The following MYT1 variants were observed in gnomAD, a reference collection of about 807,000 sequenced individuals.
The protein encoded by MYT1 is myelin transcription factor 1.
A neutral mutation model predicts 123.0 loss-of-function variants in MYT1; 23 were observed. The ratio of observed to expected loss-of-function variants is 0.19; its 90% CI spans 0.13 to 0.26. The LOEUF (loss-of-function observed/expected upper bound fraction) is 0.26. Ranked by LOEUF, MYT1 falls within the 10% of genes least tolerant of loss-of-function variation. The pLI is 1.00. For synonymous variants in MYT1, 518 were observed against 575.3 expected, an observed-to-expected ratio of 0.90 and a Z score of 1.43; for missense variants, 1,125 against 1,472.5, an observed-to-expected ratio of 0.76 and a Z score of 3.86.
intron 10 of MYT1, among the ~76,000 whole-genome samples, chr20:64,215,617 T>G (rs536629299): frequency 1.3e-4 from 20 of 152,142 alleles, no homozygotes; most frequent in Non-Finnish European, 2.4e-4. Context: ...AGAGTGTCAC[T>G]CTGTTGCTCA....
rs887420694 is a variant in MYT1 at position 64,212,393 on chromosome 20, C to T, written c.1517+255C>T. Among the ~76,000 whole-genome samples the T allele has an allele frequency of 6.6e-6, 1 of 152,166 alleles. No homozygotes were observed. Among genetic ancestry groups the T allele is most frequent in the Non-Finnish European group, 1.5e-5 (1 of 68,018 alleles). Reference sequence around the variant, plus strand: ...GTGCTACCCTTCTCCCAGCCTGCCGCCCTGAGGAGTGGGTACAAGGTCAGG... The same window carrying T: ...GTGCTACCCTTCTCCCAGCCTGCCGTCCTGAGGAGTGGGTACAAGGTCAGG... On this transcript the variant is annotated intron_variant, in intron 9 of 22. Coordinates refer to ENST00000328439, the MANE Select transcript of MYT1 (RefSeq NM_004535.3). The surrounding 1 kb of genome is among the most constrained non-coding windows in gnomAD (Gnocchi z 6.8).
intron 1 of MYT1, among the ~76,000 whole-genome samples, chr20:64,179,396 T>C (rs1982574362): frequency 6.6e-6 from 1 of 152,254 alleles, no homozygotes; most frequent in Admixed American, 6.5e-5. Flanking sequence ...CTGGATTAGA[T>C]GGGGCATCCC....
intron 14 of MYT1, 99 bp from the exon 15 acceptor site, chr20:64,223,012 G>T: frequency 7.2e-7 from 1 of 1,391,514 alleles, no homozygotes; most frequent in South Asian, 1.2e-5. Flanking sequence ...GCTCGCGGGT[G>T]AGCCAGGAGT....
rs975244594 is a variant in MYT1 at position 64,167,948 on chromosome 20, C to T, written c.-99+3209C>T. Among the ~76,000 whole-genome samples the T allele has an allele frequency of 1.8e-4, 28 of 152,334 alleles. No homozygotes were observed. The highest frequency in any genetic ancestry group is 6.5e-4 in the African/African-American group (27 of 41,564). Reference sequence around the variant, plus strand: ...CAGAAGGGAAGAGAGCAGTGGCTGCCGTGCTGCTCCCCCGTGGGCTTCCTG... The same window carrying T: ...CAGAAGGGAAGAGAGCAGTGGCTGCTGTGCTGCTCCCCCGTGGGCTTCCTG... On this transcript the variant is annotated intron_variant, in intron 1 of 22. Transcript: ENST00000328439. This position sits in a 1 kb window ranked among gnomAD's most constrained non-coding sequence, Gnocchi z 6.3.
intron 6 of MYT1, among the ~76,000 whole-genome samples, chr20:64,206,809 G>A (rs1007258098): frequency 6.6e-6 from 1 of 152,218 alleles, no homozygotes; most frequent in Non-Finnish European, 1.5e-5. Flanking sequence ...TAGGTGGATG[G>A]CAGGGCCCAT....
intron 18 of MYT1, among the ~76,000 whole-genome samples, chr20:64,230,982 C>T (rs2145731167): frequency 6.6e-6 from 1 of 152,270 alleles, no homozygotes; most frequent in South Asian, 2.1e-4. Context: ...GTTGACCTTC[C>T]ACTGGGCAGC....
chr20:64,209,172 G>T (rs1402536197), intron 7 of MYT1, among the ~76,000 whole-genome samples: 1 of 152,230 alleles, frequency 6.6e-6, no homozygotes, highest in Non-Finnish European at 1.5e-5. Flanking sequence ...GGAGCCTGGA[G>T]TGCTGAGGTC....
At position 64,218,495 on chromosome 20, in the gene MYT1, C is replaced by T. The variant is rs112840108; in HGVS notation, c.1847-416C>T. On this transcript the variant is annotated intron_variant, in intron 11 of 22. Transcript: ENST00000328439. This position sits in a 1 kb window ranked among gnomAD's most constrained non-coding sequence, Gnocchi z 4.0. ...TTTGGGCGATATGGCAAACACTCATCCTATTCACAGAATGCTTCAGTTTCT... is the reference window on the plus strand; with the variant it reads ...TTTGGGCGATATGGCAAACACTCATTCTATTCACAGAATGCTTCAGTTTCT... 6.4e-4 allele frequency among the ~76,000 whole-genome samples: 98 copies of T among 152,286 alleles called. 1 individual carries two copies. The highest frequency in any genetic ancestry group is 2.2e-3 in the African/African-American group (92 of 41,548).
rs116251220 is a variant in MYT1 at position 64,233,934 on chromosome 20, C to T, written c.2897+1549C>T. Among the ~76,000 whole-genome samples, 409 of 152,292 alleles carry T rather than the reference C, an allele frequency of 2.7e-3. 4 individuals are homozygous for T. The highest frequency in any genetic ancestry group is 9.4e-3 in the African/African-American group (391 of 41,554). On this transcript the variant is annotated intron_variant, in intron 19 of 22. Transcript: ENST00000328439. ...CTAAGCCAGGGCTTATCTGGCTGCC[C>T]GCTGGCAAGGACTCAGCTTTCACTG...
At chr20:64,206,422 G>A (rs1163585621) in intron 6 of MYT1, among the ~76,000 whole-genome samples, 1 of 152,182 alleles carries the variant, frequency 6.6e-6, no homozygotes, top group African/African-American at 2.4e-5. Context: ...CTAGCCCTTG[G>A]CAAAAGTGCA....
intron 1 of MYT1, among the ~76,000 whole-genome samples, chr20:64,187,970 A>G (rs1982862168): frequency 6.6e-6 from 1 of 152,054 alleles, no homozygotes; most frequent in African/African-American, 2.4e-5. Flanking sequence ...TCTTTGGAGG[A>G]GCAGTTGATC....
Position 64,240,541 on chromosome 20 carries a change from T to A in MYT1, c.*93T>A. 6.8e-7 allele frequency: 1 copy of A among 1,470,160 alleles called. No individual in the cohort carries two copies. Among genetic ancestry groups the A allele is most frequent in the African/African-American group, 1.4e-5 (1 of 70,772 alleles). 91.1% of individuals were successfully genotyped at this position (1,470,160 alleles called of 1,614,324 possible). A position where few individuals can be genotyped will look rare whatever the true frequency, so the allele number is the denominator to read the frequency against. On this transcript the variant is annotated 3_prime_UTR_variant, in exon 23 of 23. Coordinates refer to ENST00000328439, the MANE Select transcript of MYT1 (RefSeq NM_004535.3). ...TGGGGATGCCCAACTCACAGTGACT[T>A]CCCGTTTGGGGCCCGGTGTGGCCGC...
At chr20:64,211,919 C>G (rs375882017) in intron 8 of MYT1, 129 bp from the exon 9 acceptor site, 1 of 747,100 alleles carries the variant, frequency 1.3e-6, no homozygotes, top group Non-Finnish European at 2.3e-6. Flanking sequence ...CTGTGTCCCC[C>G]ACCTGCCTAC....
At chr20:64,180,940 G>T (rs1982637667) in intron 1 of MYT1, among the ~76,000 whole-genome samples, 1 of 152,186 alleles carries the variant, frequency 6.6e-6, no homozygotes, top group South Asian at 2.1e-4. Flanking sequence ...TTTTGAGGCT[G>T]TGCATATCTG....
intron 17 of MYT1, 74 bp from the exon 18 acceptor site, chr20:64,227,814 G>A: frequency 7.7e-7 from 1 of 1,297,468 alleles, no homozygotes; most frequent in South Asian, 1.4e-5. Flanking sequence ...CTTGAGGGGA[G>A]AGGGTGAGAT....
chr20:64,193,740 C>G lies in MYT1; in HGVS notation c.-1+3580C>G, dbSNP rs571684824. On this transcript the variant is annotated intron_variant, in intron 2 of 22. Transcript: ENST00000328439. The surrounding 1 kb of genome is among the most constrained non-coding windows in gnomAD (Gnocchi z 4.0). Reference sequence around the variant, plus strand: ...CCGCTGGGACTCAGCAGGTGCTCTTCCTCTTCTTCTAGGTCTCTGGGAGGA... The same window carrying G: ...CCGCTGGGACTCAGCAGGTGCTCTTGCTCTTCTTCTAGGTCTCTGGGAGGA... 7.1e-4 allele frequency among the ~76,000 whole-genome samples: 108 copies of G among 152,184 alleles called. 1 individual carries two copies. The highest frequency in any genetic ancestry group is 1.5e-3 in the South Asian group (7 of 4,810).
At chr20:64,198,286 CAAAAAAAAA>C (rs34822167) in intron 2 of MYT1, among the ~76,000 whole-genome samples, 88 of 23,830 alleles carry the variant, frequency 3.7e-3, no homozygotes, top group Non-Finnish European at 6.3e-3. Context: ...GACTCCGTCT[CAAAAAAAAA>C]AAAAAAAAAA....
chr20:64,201,394 A>G (rs768817188), intron 4 of MYT1, among the ~76,000 whole-genome samples: 1 of 152,208 alleles, frequency 6.6e-6, no homozygotes, highest in Non-Finnish European at 1.5e-5. Flanking sequence ...AAACTTTTTA[A>G]TGGAGAAACT....
chr20:64,166,510 C>G lies in MYT1; in HGVS notation c.-99+1771C>G, dbSNP rs58221949. 0.014 allele frequency among the ~76,000 whole-genome samples: 2,148 copies of G among 152,218 alleles called. 39 individuals carry two copies. Among genetic ancestry groups the G allele is most frequent in the African/African-American group, 0.04 (1,652 of 41,524 alleles). On this transcript the variant is annotated intron_variant, in intron 1 of 22. Transcript: ENST00000328439. This position sits in a 1 kb window ranked among gnomAD's most constrained non-coding sequence, Gnocchi z 4.9. ...CAGCCTCGGCTCTGACCTCCTTGGG[C>G]CATGAATCCCTGAAGAGGGCCTGGT...
Sources: allele counts gnomAD v4.1 joint callset (sites outside exome capture counted in the v4.1 genomes callset), GRCh38; gene constraint gnomAD v4.1.1; non-coding constraint Gnocchi (gnomAD v3.1); transcripts MANE v1.5; gene names NCBI Gene and HGNC (gene_info 2026-07-23, HGNC 2026-07-21).